The following ASB15 variants were observed in gnomAD, a reference collection of about 807,000 sequenced individuals.
The protein encoded by ASB15 is ankyrin repeat and SOCS box containing 15.
ASB15 carries 54 observed loss-of-function variants against 58.0 expected under a neutral mutation model. The ratio of observed to expected loss-of-function variants is 0.93; its 90% CI spans 0.75 to 1.17. The LOEUF is 1.17. Ranked by LOEUF, ASB15 falls within the 50% of genes most tolerant of loss-of-function variation. ASB15 has a pLI of 0.00. For synonymous variants in ASB15, 249 were observed against 262.4 expected, an observed-to-expected ratio of 0.95 and a Z score of 0.50; for missense variants, 680 against 707.4, an observed-to-expected ratio of 0.96 and a Z score of 0.44.
intron 3 of ASB15, among the ~76,000 whole-genome samples, chr7:123,611,000 C>T (rs6466876): frequency 0.32 from 46,873 of 148,386 alleles, 7,506 homozygotes; most frequent in East Asian, 0.4. Flanking sequence ...GAGAATCACT[C>T]GAACCCAGCA....
At chr7:123,629,904 T>G in intron 10 of ASB15, 62 bp from the exon 11 acceptor site, 1 of 1,120,098 alleles carries the variant, frequency 8.9e-7, no homozygotes, top group Non-Finnish European at 1.2e-6. Context: ...CATAACACAA[T>G]TGAGTGTTTA....
Position 123,630,136 on chromosome 7 carries a change from T to G in ASB15, c.1594+17T>G, listed in dbSNP as rs781284312. The G allele has an allele frequency of 7.8e-6, 12 of 1,539,286 alleles. No individual in the cohort carries two copies. In the African/African-American group the frequency reaches 1.7e-4, roughly 21 times the overall value. On this transcript the variant is annotated intron_variant, in intron 11 of 11. Coordinates refer to ENST00000451215, the MANE Select transcript of ASB15 (RefSeq NM_001290258.2). ...AAATACTAGGTAAAAACCAAAAGTT[T>G]TGCCTACAATTTTTAAATTAAGAAC... is the stretch of plus-strand genomic sequence containing the variant.
At chr7:123,626,575 T>TA (rs1206587743) in intron 8 of ASB15, among the ~76,000 whole-genome samples, 1 of 152,228 alleles carries the variant, frequency 6.6e-6, no homozygotes, top group Non-Finnish European at 1.5e-5. Context: ...AAAATTGACT[T>TA]AGTTTCTCTC....
chr7:123,620,517 TATATA>T (rs1801181169), intron 7 of ASB15, among the ~76,000 whole-genome samples: 1 of 9,808 alleles, frequency 1.0e-4, no homozygotes. Flanking sequence ...CATATATATA[TATATA>T]TATATATATA....
chr7:123,590,592 T>G (rs924092959), intron 1 of ASB15, among the ~76,000 whole-genome samples: 3 of 152,150 alleles, frequency 2.0e-5, no homozygotes, highest in Admixed American at 6.6e-5. Context: ...TTTCCCCATT[T>G]CTTGTTTTTG....
At chr7:123,616,574 C>A in intron 6 of ASB15, 79 bp downstream of exon 6, 2 of 1,414,020 alleles carry the variant, frequency 1.4e-6, no homozygotes, top group Non-Finnish European at 1.9e-6. Flanking sequence ...TTTCAGTGAA[C>A]ATAACTAGCA....
chr7:123,636,137 A>G (rs1802416574), intron 11 of ASB15, among the ~76,000 whole-genome samples: 2 of 152,182 alleles, frequency 1.3e-5, no homozygotes, highest in African/African-American at 4.8e-5. Flanking sequence ...ATTAAGGGGC[A>G]GAGCTGGGAG....
At chr7:123,635,981 A>G (rs529599832) in intron 11 of ASB15, among the ~76,000 whole-genome samples, 2 of 152,154 alleles carry the variant, frequency 1.3e-5, no homozygotes, top group Non-Finnish European at 2.9e-5. Context: ...GAATGGTTAC[A>G]ATGTACCAAG....
At chr7:123,579,187 T>C (rs1002062496) in intron 1 of ASB15, among the ~76,000 whole-genome samples, 11 of 152,122 alleles carry the variant, frequency 7.2e-5, no homozygotes, top group Non-Finnish European at 1.0e-4. Context: ...TCACTTAGGG[T>C]AATGGCCTCC....
At position 123,617,695 on chromosome 7, in the gene ASB15, C is replaced by A; in HGVS notation, c.409C>A (p.Pro137Thr). 6.2e-7 allele frequency: 1 copy of A among 1,612,734 alleles called. No homozygotes were observed. The highest frequency in any genetic ancestry group is 8.5e-7 in the Non-Finnish European group (1 of 1,178,888). The change falls in exon 7 of 12, where the codon CCC becomes ACC. Residue 137 changes from proline to threonine, a missense_variant. By Grantham distance (38) the Pro-to-Thr change is conservative (BLOSUM62 -1). Transcript: ENST00000451215. Reference protein sequence around the residue: ...VRTLLEKGVWPNTKNDKGETP... With the variant: ...VRTLLEKGVWTNTKNDKGETP... Reference sequence around the variant, plus strand: ...AACTTTATTAGAAAAGGGAGTGTGGCCCAACACAAAAAATGATAAAGGAGA... The same window carrying A: ...AACTTTATTAGAAAAGGGAGTGTGGACCAACACAAAAAATGATAAAGGAGA...
chr7:123,627,370 CA>C, intron 9 of ASB15, 89 bp downstream of exon 9: 1 of 1,057,308 alleles, frequency 9.5e-7, no homozygotes, highest in Middle Eastern at 2.7e-4. Context: ...TAATACCTTT[CA>C]AAATCCAAGG....
rs1227041794 is a variant in ASB15, at chr7:123,637,912, A to T, written c.*931A>T. On this transcript the variant is annotated 3_prime_UTR_variant, in exon 12 of 12. Transcript: ENST00000451215. Reference sequence around the variant, plus strand: ...AAAAAAAAAAAAAACCTCTTTCCCGAGCTCAGTAGTTAGCACAATGCTCAA... The same window carrying T: ...AAAAAAAAAAAAAACCTCTTTCCCGTGCTCAGTAGTTAGCACAATGCTCAA... 6.7e-6 allele frequency: 1 copy of T among 148,912 alleles called. No individual in the cohort carries two copies. Among genetic ancestry groups the T allele is most frequent in the East Asian group, 2.0e-4 (1 of 5,006 alleles). 9.2% of individuals were successfully genotyped at this position (148,912 alleles called of 1,614,324 possible).
At chr7:123,577,931 T>A (rs1175439632) in intron 1 of ASB15, among the ~76,000 whole-genome samples, 1 of 151,916 alleles carries the variant, frequency 6.6e-6, no homozygotes, top group East Asian at 1.9e-4. Context: ...CCGGGATACG[T>A]GTGCAGAATG....
At chr7:123,573,503 C>T (rs545343690) in intron 1 of ASB15, among the ~76,000 whole-genome samples, 10 of 152,086 alleles carry the variant, frequency 6.6e-5, no homozygotes, top group Non-Finnish European at 1.5e-4. Context: ...AGCAAAGAAG[C>T]AGCTCGGCTG....
At chr7:123,611,497 C>T (rs1800460414) in intron 3 of ASB15, among the ~76,000 whole-genome samples, 1 of 152,010 alleles carries the variant, frequency 6.6e-6, no homozygotes, top group Admixed American at 6.5e-5. Flanking sequence ...GGGGTTTCAC[C>T]GTGTTAGCCA....
upstream of ASB15, among the ~76,000 whole-genome samples, chr7:123,597,917 C>CGAGTGTGT (rs1554387386): frequency 1.5e-5 from 2 of 132,974 alleles, no homozygotes; most frequent in African/African-American, 5.8e-5. Flanking sequence ...TTTCAAACTT[C>CGAGTGTGT]GTGTGTGTGT....
rs753981272 is a variant in ASB15 at position 123,628,988 on chromosome 7, T to C, written c.994T>C (p.Phe332Leu). 1 of 1,613,620 alleles carries C rather than the reference T, an allele frequency of 6.2e-7. No homozygotes were observed. The highest frequency in any genetic ancestry group is 1.7e-5 in the Admixed American group (1 of 60,014). The change falls in exon 10 of 12, where the codon TTT becomes CTT. Residue 332 changes from phenylalanine to leucine, a missense_variant. Phe to Leu is a conservative substitution (Grantham distance 22). Transcript: ENST00000451215. ...TCTAGAACTGCTCATTGAAAATGGT[T>C]TTGATGTCAACACTCTACTTGCTGA... is the stretch of plus-strand genomic sequence containing the variant. ...QCLELLIENG[F>L]DVNTLLADHI...
rs140109864 is a variant in ASB15, at chr7:123,620,934, A to G, written c.451+3197A>G. 8.9e-4 allele frequency among the ~76,000 whole-genome samples: 135 copies of G among 152,128 alleles called. 1 individual carries two copies. In the Middle Eastern group the frequency reaches 0.01, roughly 11 times the overall value. ...TTGCAGCAACACCTGTGTTGTTTCT[A>G]TAGATCACCTTGAATTTCTGCACAA... is the stretch of plus-strand genomic sequence containing the variant. On this transcript the variant is annotated intron_variant, in intron 7 of 11. Coordinates refer to ENST00000451215, the MANE Select transcript of ASB15 (RefSeq NM_001290258.2).
Position 123,624,606 on chromosome 7 carries a change from G to T in ASB15, c.489G>T (p.Leu163=). The T allele has an allele frequency of 1.2e-6, 2 of 1,613,642 alleles. No homozygotes were observed. Among genetic ancestry groups the T allele is most frequent in the Non-Finnish European group, 1.7e-6 (2 of 1,179,608 alleles). ...KKGSYDMVST[L]IKHNTSLDQP... ...GCTCCTATGACATGGTGTCGACTCT[G>T]ATCAAACATAACACTAGCCTAGACC... is the stretch of plus-strand genomic sequence containing the variant. The change falls in exon 8 of 12, where the codon CTG becomes CTT. Residue 163 remains leucine, a synonymous_variant. Transcript: ENST00000451215.
Sources: allele counts gnomAD v4.1 joint callset (sites outside exome capture counted in the v4.1 genomes callset), GRCh38; gene constraint gnomAD v4.1.1; transcripts MANE v1.5; gene names NCBI Gene and HGNC (gene_info 2026-07-23, HGNC 2026-07-21).